Variants in STK25 observed in about 807,000 individuals in gnomAD.
The protein encoded by STK25 is serine/threonine-protein kinase 25.
A neutral mutation model predicts 53.8 loss-of-function variants in STK25; 29 were observed. The ratio of observed to expected loss-of-function variants is 0.54; its 90% CI spans 0.40 to 0.74. The LOEUF is 0.74. Ranked by LOEUF, STK25 falls within the 30% of genes least tolerant of loss-of-function variation. The probability of loss-of-function intolerance (pLI) is 0.00; values close to 1 mark genes in which losing one functional copy is unlikely to be tolerated. For missense variants in STK25, 420 were observed against 568.0 expected (o/e 0.74, Z 2.65); for synonymous variants, 247 against 238.3 (o/e 1.04, Z -0.33).
Position 241,501,553 on chromosome 2 carries a change from G to A in STK25, c.186C>T (p.Asp62=), listed in dbSNP as rs773298909. The A allele has an allele frequency of 8.1e-6, 13 of 1,614,126 alleles. No homozygotes were observed. The South Asian group carries it at 1.4e-4, about 18-fold the overall frequency. Residue 62 remains aspartate (D), a synonymous_variant, in exon 3 of 12, where the codon GAC becomes GAT. Coordinates refer to ENST00000316586, the MANE Select transcript of STK25 (RefSeq NM_001271977.2). This position sits in a 1 kb window ranked among gnomAD's most constrained non-coding sequence, Gnocchi z 5.3. ...TGAGGACAGTGATCTCCTGCTGGAT[G>A]TCCTCGATCTCATCCTCGGCCTCCT... ...DLEEAEDEIE[D]IQQEITVLSQ...
intron 5 of STK25, 58 bp from the exon 6 acceptor site, chr2:241,499,472 C>T (rs2065375669): frequency 1.9e-6 from 3 of 1,574,954 alleles, no homozygotes; most frequent in East Asian, 2.3e-5. Context: ...CCACCCCGGG[C>T]CCCCTGAGAA....
chr2:241,505,493 A>G (rs993045617), intron 2 of STK25, among the ~76,000 whole-genome samples: 5 of 150,998 alleles, frequency 3.3e-5, no homozygotes, highest in Non-Finnish European at 5.9e-5. Flanking sequence ...CAGCACCACC[A>G]CCCCTCCGAC....
chr2:241,508,079 T>C lies in STK25; in HGVS notation c.-44A>G. ...CCTCCGCCAGCAGCCCCAGGAGGCGTCTGGATCCCGCGGAGAGGCGCGGAG... is the reference window on the plus strand; with the variant it reads ...CCTCCGCCAGCAGCCCCAGGAGGCGCCTGGATCCCGCGGAGAGGCGCGGAG... On this transcript the variant is annotated 5_prime_UTR_variant, in exon 2 of 12. Coordinates refer to ENST00000316586, the MANE Select transcript of STK25 (RefSeq NM_001271977.2). 6.3e-7 allele frequency: 1 copy of C among 1,577,680 alleles called. No homozygotes were observed. Among genetic ancestry groups the C allele is most frequent in the Non-Finnish European group, 8.6e-7 (1 of 1,163,716 alleles).
intron 2 of STK25, among the ~76,000 whole-genome samples, chr2:241,502,891 G>A (rs1012113467): frequency 2.0e-5 from 3 of 152,166 alleles, no homozygotes; most frequent in East Asian, 1.9e-4. Context: ...ACACCAGCGC[G>A]GAGTTAGAAA....
rs2065515020 is a variant in STK25 at position 241,501,603 on chromosome 2, C to T, written c.136G>A (p.Val46Met). ...KGIDNHTKEV[V>M]AIKIIDLEEA... ...TCCAGGTCGATGATCTTGATGGCCA[C>T]CACCTCCTTTGTGTGGTTATCGATG... Residue 46 changes from valine (V) to methionine (M), a missense_variant, in exon 3 of 12, where the codon GTG becomes ATG. By Grantham distance (21) the Val-to-Met change is conservative (BLOSUM62 1). Coordinates refer to ENST00000316586, the MANE Select transcript of STK25 (RefSeq NM_001271977.2). This position sits in a 1 kb window ranked among gnomAD's most constrained non-coding sequence, Gnocchi z 5.3. 6.2e-7 allele frequency: 1 copy of T among 1,614,038 alleles called. No individual in the cohort carries two copies. The highest frequency in any genetic ancestry group is 1.3e-5 in the African/African-American group (1 of 74,948).
chr2:241,508,098 C>G lies in STK25; in HGVS notation c.-63G>C. On this transcript the variant is annotated 5_prime_UTR_variant, in exon 2 of 12. Coordinates refer to ENST00000316586, the MANE Select transcript of STK25 (RefSeq NM_001271977.2). ...GAGGCGTCTGGATCCCGCGGAGAGG[C>G]GCGGAGCCGGCTAGCTCGCCCCTGC... is the stretch of plus-strand genomic sequence containing the variant. 1 of 1,554,388 alleles carries G rather than the reference C, an allele frequency of 6.4e-7. No homozygotes were observed. Among genetic ancestry groups the G allele is most frequent in the Non-Finnish European group, 8.7e-7 (1 of 1,151,456 alleles).
chr2:241,508,280 T>C, intron 1 of STK25, 145 bp from the exon 2 acceptor site: 1 of 1,269,396 alleles, frequency 7.9e-7, no homozygotes, highest in Non-Finnish European at 9.9e-7. Context: ...ACGCCCAGGC[T>C]CCCGGGGGCT....
chr2:241,508,510 G>C lies in STK25; in HGVS notation c.-168C>G. 1 of 1,013,490 alleles carries C rather than the reference G, an allele frequency of 9.9e-7. No homozygotes were observed. Among genetic ancestry groups the C allele is most frequent in the Non-Finnish European group, 1.2e-6 (1 of 846,266 alleles). 62.8% of individuals were successfully genotyped at this position (1,013,490 alleles called of 1,614,324 possible). On this transcript the variant is annotated 5_prime_UTR_variant, in exon 1 of 12. Coordinates refer to ENST00000316586, the MANE Select transcript of STK25 (RefSeq NM_001271977.2). ...GCGCCCGCGAAGGCTCCCACCCGCA[G>C]CCTCTGTTCGCCCGGGGACCCCGGG...
At position 241,500,084 on chromosome 2, in the gene STK25, A is replaced by ACTAGC. The variant is rs1182842548; in HGVS notation, c.427+84_427+88dup. ...CTCTATACTCCAGACCCTGGGCACC[A>ACTAGC]CTAGCCACTTGCCCCTCACAGGCCC... On this transcript the variant is annotated intron_variant, in intron 5 of 11. Transcript: ENST00000316586. 4.5e-6 allele frequency: 5 copies of ACTAGC among 1,114,402 alleles called. No individual in the cohort carries two copies. In the East Asian group the frequency reaches 1.2e-4, roughly 26 times the overall value. The allele number at this position is 1,114,402 out of a possible 1,614,324, so 69.0% of individuals were successfully genotyped here.
Position 241,495,715 on chromosome 2 carries a change from A to AG in STK25, c.1242-15dup, listed in dbSNP as rs752465066. On this transcript the variant is annotated splice_polypyrimidine_tract_variant and intron_variant, in intron 11 of 11. Coordinates refer to ENST00000316586, the MANE Select transcript of STK25 (RefSeq NM_001271977.2). ...TTGTGTGAAAACCTGCAGAGAGAAG[A>AG]GCCCACTGCTGCGTGCGTGCACCTC... 6.2e-7 allele frequency: 1 copy of AG among 1,613,914 alleles called. No individual in the cohort carries two copies. The highest frequency in any genetic ancestry group is 1.1e-5 in the South Asian group (1 of 91,082).
At position 241,498,984 on chromosome 2, in the gene STK25, C is replaced by A; in HGVS notation, c.771+5G>T. ...AGAAGGGACCGGGCCAGAGGCGGGC[C>A]TTACGAATCGGGGGTCTTTGTTGAG... On this transcript the variant is annotated splice_donor_5th_base_variant and intron_variant, in intron 7 of 11. Coordinates refer to ENST00000316586, the MANE Select transcript of STK25 (RefSeq NM_001271977.2). The A allele has an allele frequency of 6.2e-7, 1 of 1,613,526 alleles. No homozygotes were observed. The highest frequency in any genetic ancestry group is 8.5e-7 in the Non-Finnish European group (1 of 1,179,612).
At chr2:241,506,078 A>T (rs2065806139) in intron 2 of STK25, among the ~76,000 whole-genome samples, 1 of 152,218 alleles carries the variant, frequency 6.6e-6, no homozygotes. Context: ...CCCCACAGCC[A>T]TTCGGGCCCT....
intron 9 of STK25, 60 bp downstream of exon 9, chr2:241,498,175 T>TC: frequency 6.7e-7 from 1 of 1,494,842 alleles, no homozygotes; most frequent in Non-Finnish European, 9.3e-7. Flanking sequence ...GGGTCCCGCA[T>TC]CCAGCCCATC....
chr2:241,508,207 C>T (rs972155878), intron 1 of STK25, 72 bp from the exon 2 acceptor site: 34 of 1,344,946 alleles, frequency 2.5e-5, no homozygotes, highest in Admixed American at 2.3e-4. Context: ...CGGCGGGCTC[C>T]ATGGGTGGGG....
intron 1 of STK25, 104 bp downstream of exon 1, chr2:241,508,339 C>T: frequency 1.7e-6 from 2 of 1,181,552 alleles, no homozygotes; most frequent in Non-Finnish European, 2.1e-6. Context: ...CAGCTTCCTC[C>T]CGGTGCCCCC....
In STK25 at chr2:241,496,307, G is replaced by T; in HGVS notation, c.1241+91C>A. ...GCGAGCCCATGTAGTGCCAAATGCAGCCACACCCACGAGTGAGCACTGGAC... is the reference window on the plus strand; with the variant it reads ...GCGAGCCCATGTAGTGCCAAATGCATCCACACCCACGAGTGAGCACTGGAC... On this transcript the variant is annotated intron_variant, in intron 11 of 11. Transcript: ENST00000316586. The surrounding 1 kb of genome is among the most constrained non-coding windows in gnomAD (Gnocchi z 5.8). 1 of 1,486,976 alleles carries T rather than the reference G, an allele frequency of 6.7e-7. No individual in the cohort carries two copies. The allele number at this position is 1,486,976 out of a possible 1,614,324, so 92.1% of individuals were successfully genotyped here.
chr2:241,501,346 G>A lies in STK25; in HGVS notation c.261+132C>T. ...AGGGCTCACACCCTGCCTGCCCAGGGCAGTTTCCCGGAGGGCATGCACTGA... is the reference window on the plus strand; with the variant it reads ...AGGGCTCACACCCTGCCTGCCCAGGACAGTTTCCCGGAGGGCATGCACTGA... On this transcript the variant is annotated intron_variant, in intron 3 of 11. Coordinates refer to ENST00000316586, the MANE Select transcript of STK25 (RefSeq NM_001271977.2). The surrounding 1 kb of genome is among the most constrained non-coding windows in gnomAD (Gnocchi z 5.3). 2.2e-6 allele frequency: 2 copies of A among 891,444 alleles called. No individual in the cohort carries two copies. Among genetic ancestry groups the A allele is most frequent in the Non-Finnish European group, 3.6e-6 (2 of 557,074 alleles). The allele number at this position is 891,444 out of a possible 1,614,324, so 55.2% of individuals were successfully genotyped here.
At chr2:241,504,431 C>T (rs1487677126) in intron 2 of STK25, among the ~76,000 whole-genome samples, 1 of 152,180 alleles carries the variant, frequency 6.6e-6, no homozygotes, top group Non-Finnish European at 1.5e-5. Context: ...ATAGAGAGAG[C>T]TGAGTACTGC....
chr2:241,493,595 TTG>T lies in STK25; in HGVS notation c.*2065_*2066del, dbSNP rs2065012207. On this transcript the variant is annotated 3_prime_UTR_variant, in exon 12 of 12. Transcript: ENST00000316586. Reference sequence around the variant, plus strand: ...AGCATTTCCAAAAAACAGCAATGCTTTGTTTTTTTTTTTTTTGGAGATGGCGT... The same window carrying T: ...AGCATTTCCAAAAAACAGCAATGCTTTTTTTTTTTTTTTTGGAGATGGCGT... 11 of 633,258 alleles carry T rather than the reference TTG, an allele frequency of 1.7e-5. No individual in the cohort carries two copies. Among genetic ancestry groups the T allele is most frequent in the Admixed American group, 3.4e-5 (1 of 29,720 alleles). 39.2% of individuals were successfully genotyped at this position (633,258 alleles called of 1,614,324 possible). A position where few individuals can be genotyped will look rare whatever the true frequency, so the allele number is the denominator to read the frequency against.
Sources: gnomAD v4.1 joint callset for allele counts (sites outside exome capture counted in the v4.1 genomes callset) on GRCh38, gnomAD v4.1.1 for gene constraint, Gnocchi (gnomAD v3.1) non-coding constraint, MANE v1.5 for transcripts, NCBI Gene and HGNC (gene_info 2026-07-23, HGNC 2026-07-21) for gene names.